The following ATP2B2 variants were observed in gnomAD, a reference collection of about 807,000 sequenced individuals.
ATP2B2 encodes ATPase plasma membrane Ca2+ transporting 2.
Under a neutral mutation model 120.0 loss-of-function variants are expected in ATP2B2, and 15 were observed. The observed-to-expected ratio is 0.12, with a 90% CI of 0.08 to 0.19. The LOEUF (loss-of-function observed/expected upper bound fraction) is 0.19. Ranked by LOEUF, ATP2B2 falls within the 10% of genes least tolerant of loss-of-function variation. ATP2B2 has a pLI of 1.00. For missense variants in ATP2B2, 1,045 were observed against 1,719.8 expected (o/e 0.61, Z 6.94); for synonymous variants, 694 against 700.3 (o/e 0.99, Z 0.14).
At chr3:10,351,840 C>G (rs964613292) in intron 14 of ATP2B2, among the ~76,000 whole-genome samples, 20 of 152,170 alleles carry the variant, frequency 1.3e-4, no homozygotes, top group African/African-American at 4.6e-4. Flanking sequence ...CCAAAGGTGG[C>G]CAGCAAGCCA....
rs1205959284 is a variant in ATP2B2, at chr3:10,635,967, C to T, written c.-459-16006G>A. ...CCCCTGGACCTACCCAAATGGATGC[C>T]CAGGGCCCTAAATTCTGCACAAGTG... On this transcript the variant is annotated intron_variant, in intron 1 of 21. Coordinates refer to the ATP2B2 transcript ENST00000646379. This position sits in a 1 kb window ranked among gnomAD's most constrained non-coding sequence, Gnocchi z 4.3. Among the ~76,000 whole-genome samples, 4 of 152,178 alleles carry T rather than the reference C, an allele frequency of 2.6e-5. No individual in the cohort carries two copies. Among genetic ancestry groups the T allele is most frequent in the African/African-American group, 9.7e-5 (4 of 41,444 alleles).
chr3:10,495,870 C>T (rs1281527463), intron 1 of ATP2B2, among the ~76,000 whole-genome samples: 1 of 152,178 alleles, frequency 6.6e-6, no homozygotes, highest in Admixed American at 6.5e-5. Context: ...ATGGCCTAGC[C>T]CCCAGGCAGG....
chr3:10,513,414 C>A (rs1442267868), intron 3 of ATP2B2, among the ~76,000 whole-genome samples: 1 of 152,146 alleles, frequency 6.6e-6, no homozygotes, highest in Non-Finnish European at 1.5e-5. Flanking sequence ...GCAGTGGGGG[C>A]CCCTGTGGAC....
chr3:10,519,825 TCTCTGTGC>T (rs2066947333), intron 3 of ATP2B2, among the ~76,000 whole-genome samples: 1 of 152,198 alleles, frequency 6.6e-6, no homozygotes, highest in African/African-American at 2.4e-5. Flanking sequence ...CTCACTCCAC[TCTCTGTGC>T]CAGCACTGAT....
intron 2 of ATP2B2, among the ~76,000 whole-genome samples, chr3:10,562,751 C>T (rs6802449): frequency 9.3e-4 from 142 of 152,248 alleles, no homozygotes; most frequent in African/African-American, 3.1e-3. Flanking sequence ...TTCACTGCAA[C>T]GTTGCTTATT....
intron 3 of ATP2B2, among the ~76,000 whole-genome samples, chr3:10,410,058 G>A (rs1575148310): frequency 1.3e-5 from 2 of 152,148 alleles, no homozygotes; most frequent in Non-Finnish European, 2.9e-5. Context: ...TTTTCAAAAG[G>A]CTCCACAGCA....
At chr3:10,437,872 G>A (rs2063528037) in intron 2 of ATP2B2, among the ~76,000 whole-genome samples, 1 of 152,206 alleles carries the variant, frequency 6.6e-6, no homozygotes, top group African/African-American at 2.4e-5. Context: ...TATACAAAGA[G>A]GAAATTTGGG....
intron 1 of ATP2B2, among the ~76,000 whole-genome samples, chr3:10,484,657 C>T (rs1414088381): frequency 2.0e-5 from 3 of 152,110 alleles, no homozygotes; most frequent in Non-Finnish European, 4.4e-5. Flanking sequence ...TCCTGCAGGG[C>T]CCCCATGGCC....
At chr3:10,516,275 G>A (rs755609033) in intron 3 of ATP2B2, among the ~76,000 whole-genome samples, 25 of 152,256 alleles carry the variant, frequency 1.6e-4, no homozygotes, top group South Asian at 4.1e-4. Context: ...GGCCTCTGTC[G>A]GCTCTCATCC....
chr3:10,541,399 T>C (rs2067437290), intron 2 of ATP2B2, among the ~76,000 whole-genome samples: 1 of 152,184 alleles, frequency 6.6e-6, no homozygotes, highest in Non-Finnish European at 1.5e-5. Context: ...TAGTTATGCA[T>C]GATGCTATAA....
chr3:10,336,412 T>C (rs905472502), intron 22 of ATP2B2: 6 of 1,095,006 alleles, frequency 5.5e-6, no homozygotes, highest in Admixed American at 4.9e-5. Context: ...AACGACAATG[T>C]CACTTAAATC....
At chr3:10,441,158 TCCTC>T (rs1212885009) in intron 2 of ATP2B2, among the ~76,000 whole-genome samples, 1 of 152,116 alleles carries the variant, frequency 6.6e-6, no homozygotes, top group African/African-American at 2.4e-5. Context: ...GGTTCCTCCT[TCCTC>T]CCCCTGGCTA....
intron 14 of ATP2B2, among the ~76,000 whole-genome samples, chr3:10,351,888 A>G (rs703910): frequency 0.14 from 21,892 of 152,218 alleles, 1,898 homozygotes; most frequent in East Asian, 0.37. Context: ...GCTCCTCCCT[A>G]TCGTCACTGG....
Position 10,676,237 on chromosome 3 carries a change from G to A in ATP2B2, c.-460+31678C>T, listed in dbSNP as rs1351947948. Reference sequence around the variant, plus strand: ...GCAGGACCCCAGTCTCTGGAACTTGGTTTGGACCTCAGATCCAAGGTTTTT... The same window carrying A: ...GCAGGACCCCAGTCTCTGGAACTTGATTTGGACCTCAGATCCAAGGTTTTT... On this transcript the variant is annotated intron_variant, in intron 1 of 21. Transcript: ENST00000646379. Among the ~76,000 whole-genome samples the A allele has an allele frequency of 3.3e-5, 5 of 152,164 alleles. No individual in the cohort carries two copies. The East Asian group carries it at 7.7e-4, about 23-fold the overall frequency.
intron 18 of ATP2B2, among the ~76,000 whole-genome samples, chr3:10,345,034 C>T (rs2060390928): frequency 6.6e-6 from 1 of 152,236 alleles, no homozygotes; most frequent in South Asian, 2.1e-4. Flanking sequence ...CTGCCCCTCC[C>T]TGCCTCCCTC....
intron 6 of ATP2B2, 106 bp from the exon 7 acceptor site, chr3:10,386,618 C>A: frequency 8.1e-7 from 1 of 1,235,464 alleles, no homozygotes. Flanking sequence ...CACACATGGC[C>A]ATACACCTAG....
chr3:10,335,981 CG>C (rs1244296741), intron 22 of ATP2B2: 1 of 983,670 alleles, frequency 1.0e-6, no homozygotes, highest in African/African-American at 1.6e-5. Context: ...TCCTGACCAA[CG>C]GGACCCTCTT....
chr3:10,684,393 A>T (rs1471910698), intron 1 of ATP2B2, among the ~76,000 whole-genome samples: 4 of 152,214 alleles, frequency 2.6e-5, no homozygotes, highest in Non-Finnish European at 5.9e-5. Flanking sequence ...CTCTGGATTC[A>T]GCTGTGCCTG....
chr3:10,407,592 G>A (rs918872604), intron 3 of ATP2B2, among the ~76,000 whole-genome samples: 2 of 152,312 alleles, frequency 1.3e-5, no homozygotes, highest in African/African-American at 2.4e-5. Context: ...GGGCGGAGGC[G>A]GGCAGTGGAC....
Sources: gnomAD v4.1 joint callset for allele counts (sites outside exome capture counted in the v4.1 genomes callset) on GRCh38, gnomAD v4.1.1 for gene constraint, Gnocchi (gnomAD v3.1) non-coding constraint, MANE v1.5 for transcripts, NCBI Gene and HGNC (gene_info 2026-07-23, HGNC 2026-07-21) for gene names.